The following PLEK2 variants were observed in gnomAD, a reference collection of about 807,000 sequenced individuals.
PLEK2 encodes the protein pleckstrin-2.
A neutral mutation model predicts 43.8 loss-of-function variants in PLEK2; 29 were observed. The ratio of observed to expected loss-of-function variants is 0.66; its 90% CI spans 0.49 to 0.90. PLEK2 has a LOEUF of 0.90. PLEK2 is among the 40% of genes least tolerant of loss of function. The probability of loss-of-function intolerance (pLI) is 0.00; values close to 1 mark genes in which losing one functional copy is unlikely to be tolerated. For missense variants in PLEK2, 398 were observed against 448.1 expected, an observed-to-expected ratio of 0.89 and a Z score of 1.01; for synonymous variants, 162 against 173.2, an observed-to-expected ratio of 0.94 and a Z score of 0.51.
chr14:67,410,518 G>A (rs1217366272), intron 1 of PLEK2, among the ~76,000 whole-genome samples: 4 of 152,178 alleles, frequency 2.6e-5, no homozygotes, highest in Admixed American at 6.5e-5. Context: ...GCAAGTGGGC[G>A]TGGCGCTTTG....
chr14:67,398,550 CTA>C (rs2086026954), intron 1 of PLEK2, among the ~76,000 whole-genome samples: 3 of 148,006 alleles, frequency 2.0e-5, no homozygotes, highest in East Asian at 2.0e-4. Context: ...ACCAACTAAA[CTA>C]CCCTTCTCTT....
At chr14:67,392,455 T>C in intron 5 of PLEK2, 28 bp from the exon 6 acceptor site, 2 of 1,547,484 alleles carry the variant, frequency 1.3e-6, no homozygotes, top group Non-Finnish European at 1.8e-6. Context: ...GCAAGGACTC[T>C]GCTACAGAAA....
intron 1 of PLEK2, among the ~76,000 whole-genome samples, chr14:67,399,646 T>G (rs1405636387): frequency 4.8e-4 from 65 of 136,046 alleles, no homozygotes; most frequent in African/African-American, 1.9e-3. Flanking sequence ...GTTTAGGTGG[T>G]TCTCAGGTGG....
intron 1 of PLEK2, among the ~76,000 whole-genome samples, chr14:67,403,585 C>A (rs902466277): frequency 6.6e-6 from 1 of 152,202 alleles, no homozygotes; most frequent in Non-Finnish European, 1.5e-5. Flanking sequence ...GAATGTGTTA[C>A]AAGCAACTGA....
chr14:67,412,051 G>C lies in PLEK2; in HGVS notation c.9C>G (p.Asp3Glu). 6.4e-7 allele frequency: 1 copy of C among 1,551,822 alleles called. No individual in the cohort carries two copies. The highest frequency in any genetic ancestry group is 8.7e-7 in the Non-Finnish European group (1 of 1,152,174). The change falls in exon 1 of 9, where the codon GAC (aspartate) becomes GAG (glutamate). Residue 3 changes from aspartate to glutamate, a missense_variant. Coordinates refer to ENST00000216446, the MANE Select transcript of PLEK2 (RefSeq NM_016445.3). ...CCAGGAAGCCCTCCTTGAGCACGCC[G>C]TCCTCCATGTCGCCGCCCGCACGCC... The part of the protein sequence containing the change: ME[D>E]GVLKEGFLVK...
At position 67,403,926 on chromosome 14, in the gene PLEK2, CCTGT is replaced by C. The variant is rs1378730465; in HGVS notation, c.43-6104_43-6101del. ...AATTAGCTGGGTGTGGTGGCACACT[CCTGT>C]AGTCTCAGCCAACTCAAGAGGCTGA... On this transcript the variant is annotated intron_variant, in intron 1 of 8. Coordinates refer to ENST00000216446, the MANE Select transcript of PLEK2 (RefSeq NM_016445.3). Among the ~76,000 whole-genome samples, 8 of 152,194 alleles carry C rather than the reference CCTGT, an allele frequency of 5.3e-5. No homozygotes were observed. In the East Asian group the frequency reaches 1.4e-3, roughly 26 times the overall value.
chr14:67,389,318 T>C (rs1321234372), intron 7 of PLEK2, among the ~76,000 whole-genome samples: 1 of 152,020 alleles, frequency 6.6e-6, no homozygotes, highest in Non-Finnish European at 1.5e-5. Flanking sequence ...TCAAGGGCAG[T>C]CTCAGGGAGG....
intron 2 of PLEK2, among the ~76,000 whole-genome samples, chr14:67,396,988 G>C (rs1230421557): frequency 3.3e-5 from 5 of 151,614 alleles, no homozygotes; most frequent in African/African-American, 1.2e-4. Flanking sequence ...ACCCAGGCTG[G>C]AGTGCAGTGG....
At chr14:67,393,344 G>C in intron 3 of PLEK2, 103 bp from the exon 4 acceptor site, 2 of 797,660 alleles carry the variant, frequency 2.5e-6, no homozygotes, top group Non-Finnish European at 4.6e-6. Context: ...GTGGCAAATG[G>C]TGTGACACAC....
At chr14:67,411,645 C>A (rs188448675) in intron 1 of PLEK2, among the ~76,000 whole-genome samples, 4 of 152,310 alleles carry the variant, frequency 2.6e-5, no homozygotes, top group African/African-American at 7.2e-5. Flanking sequence ...TAGTAGCATT[C>A]CTCCTTCACA....
rs1343290792 is a variant in PLEK2 at position 67,387,432 on chromosome 14, T to C, written c.959A>G (p.Asn320Ser). Residue 320 changes from asparagine (N) to serine (S), a missense_variant, in exon 9 of 9, where the codon AAC becomes AGC. Physicochemically the swap from Asn to Ser is conservative, Grantham distance 46. Coordinates refer to ENST00000216446, the MANE Select transcript of PLEK2 (RefSeq NM_016445.3). ...ATCCTTAGTAATCACTTTGAAGAGG[T>C]TTCCCTGGACATTCCCTTTAACCCC... ...PTGVKGNVQG[N>S]LFKVITKDDT... 3 of 1,609,154 alleles carry C rather than the reference T, an allele frequency of 1.9e-6. No homozygotes were observed. In the Admixed American group the frequency reaches 5.1e-5, roughly 27 times the overall value.
chr14:67,392,226 C>T (rs2085974230), intron 6 of PLEK2, 100 bp downstream of exon 6: 2 of 817,466 alleles, frequency 2.4e-6, no homozygotes, highest in Non-Finnish European at 4.2e-6. Flanking sequence ...GTAATTGGTG[C>T]CCTCCAGCAG....
chr14:67,405,960 T>C (rs1356018056), intron 1 of PLEK2, among the ~76,000 whole-genome samples: 8 of 152,150 alleles, frequency 5.3e-5, no homozygotes, highest in Non-Finnish European at 1.0e-4. Flanking sequence ...ACAAATCTTG[T>C]TGTTTTAAGA....
intron 4 of PLEK2, 66 bp downstream of exon 4, chr14:67,393,084 C>G: frequency 8.0e-7 from 1 of 1,257,284 alleles, no homozygotes; most frequent in East Asian, 2.3e-5. Context: ...GTCAAGCACA[C>G]AGCTGAGCCC....
At chr14:67,404,371 T>G (rs1392361305) in intron 1 of PLEK2, among the ~76,000 whole-genome samples, 1 of 152,052 alleles carries the variant, frequency 6.6e-6, no homozygotes, top group Non-Finnish European at 1.5e-5. Flanking sequence ...AGCTGCAGTC[T>G]CAGCTACTCA....
intron 1 of PLEK2, among the ~76,000 whole-genome samples, chr14:67,401,229 G>A (rs1343188642): frequency 6.6e-6 from 1 of 152,146 alleles, no homozygotes; most frequent in African/African-American, 2.4e-5. Flanking sequence ...GCTCAGGCCT[G>A]TAATCCCAGG....
Position 67,395,467 on chromosome 14 carries a change from C to T in PLEK2, c.324G>A (p.Pro108=), listed in dbSNP as rs1180955030. The change falls in exon 3 of 9, where the codon CCG becomes CCA. Residue 108 remains proline (P), a synonymous_variant. Transcript: ENST00000216446. ...GGCTGTGCAGCTGCTGGACCTTCCC[C>T]GGCTGCCCTGCATGAATAGCCCCGG... ...EITGAIHAGQ[P]GKVQQLHSLR... The T allele has an allele frequency of 9.3e-6, 15 of 1,613,914 alleles. No individual in the cohort carries two copies. Among genetic ancestry groups the T allele is most frequent in the South Asian group, 3.3e-5 (3 of 91,076 alleles).
chr14:67,393,096 G>T, intron 4 of PLEK2, 54 bp downstream of exon 4: 1 of 1,317,444 alleles, frequency 7.6e-7, no homozygotes, highest in Non-Finnish European at 1.1e-6. Flanking sequence ...GCTGAGCCCT[G>T]CATCACCATG....
At chr14:67,392,051 TAGA>T (rs1391192070) in intron 6 of PLEK2, among the ~76,000 whole-genome samples, 1 of 152,200 alleles carries the variant, frequency 6.6e-6, no homozygotes, top group Non-Finnish European at 1.5e-5. Context: ...GGCAATTGTG[TAGA>T]AGTTGTTTTT....
Sources: allele counts gnomAD v4.1 joint callset (sites outside exome capture counted in the v4.1 genomes callset), GRCh38; gene constraint gnomAD v4.1.1; transcripts MANE v1.5; gene names NCBI Gene and HGNC (gene_info 2026-07-23, HGNC 2026-07-21).